FER: variants seen among roughly 807,000 people sequenced by gnomAD.
The protein encoded by FER is tyrosine-protein kinase Fer.
In FER, 63 loss-of-function variants were observed where a neutral mutation model predicts 111.0. The observed-to-expected ratio is 0.57, with a 90% CI of 0.46 to 0.70. FER has a LOEUF of 0.70. Among genes scored for constraint, FER ranks in the 30% least tolerant of loss-of-function variants. FER has a pLI of 0.00. For missense variants in FER, 914 were observed against 954.0 expected, an observed-to-expected ratio of 0.96 and a Z score of 0.55; for synonymous variants, 327 against 313.9, an observed-to-expected ratio of 1.04 and a Z score of -0.44.
In FER at chr5:109,187,734, A is replaced by G. The variant is rs1759039237; in HGVS notation, c.*159A>G. 6 of 935,724 alleles carry G rather than the reference A, an allele frequency of 6.4e-6. No individual in the cohort carries two copies. Among genetic ancestry groups the G allele is most frequent in the Admixed American group, 5.7e-5 (2 of 34,876 alleles). The allele number at this position is 935,724 out of a possible 1,614,324, so 58.0% of individuals were successfully genotyped here. A position where few individuals can be genotyped will look rare whatever the true frequency, so the allele number is the denominator to read the frequency against. ...TTTTAAAAGTACGTTCCACTTGTAA[A>G]AAGTCAAAGGCAAATTTGTTAAAGA... On this transcript the variant is annotated 3_prime_UTR_variant, in exon 20 of 20. Coordinates refer to ENST00000281092, the MANE Select transcript of FER (RefSeq NM_005246.4).
chr5:108,888,104 T>C (rs570762713), intron 9 of FER, among the ~76,000 whole-genome samples: 1 of 152,024 alleles, frequency 6.6e-6, no homozygotes, highest in African/African-American at 2.4e-5. Flanking sequence ...TTTGAGAGAC[T>C]TGCAAAATGT....
At chr5:109,131,220 C>G (rs1752325030) in intron 17 of FER, among the ~76,000 whole-genome samples, 1 of 152,090 alleles carries the variant, frequency 6.6e-6, no homozygotes, top group Admixed American at 6.5e-5. Context: ...ATTGAAAGAC[C>G]TCAACTGTTC....
intron 10 of FER, among the ~76,000 whole-genome samples, chr5:108,910,762 A>G (rs537674183): frequency 2.6e-5 from 4 of 150,996 alleles, no homozygotes; most frequent in African/African-American, 9.7e-5. Flanking sequence ...GAGTTTTTTC[A>G]CTTAGGATGA....
chr5:109,020,791 A>G (rs1477445488), intron 13 of FER, among the ~76,000 whole-genome samples: 1 of 152,048 alleles, frequency 6.6e-6, no homozygotes, highest in Non-Finnish European at 1.5e-5. Flanking sequence ...CACCTTGCCA[A>G]ACTAAAGGCC....
intron 13 of FER, among the ~76,000 whole-genome samples, chr5:109,006,202 G>GTGAAA (rs370564635): frequency 2.3e-3 from 352 of 152,292 alleles, no homozygotes; most frequent in African/African-American, 7.9e-3. Flanking sequence ...TAATGAGATA[G>GTGAAA]TGAAATGAAG....
In FER at chr5:109,038,320, G is replaced by A. The variant is rs546737471; in HGVS notation, c.1713+842G>A. On this transcript the variant is annotated intron_variant, in intron 14 of 19. Transcript: ENST00000281092. Reference sequence around the variant, plus strand: ...AAATAGTTTAAAATCTATATATTTAGGAAAAGCTAACATACATATGAGTGA... The same window carrying A: ...AAATAGTTTAAAATCTATATATTTAAGAAAAGCTAACATACATATGAGTGA... 5.9e-5 allele frequency among the ~76,000 whole-genome samples: 9 copies of A among 151,856 alleles called. No homozygotes were observed. The South Asian group carries it at 1.9e-3, about 32-fold the overall frequency.
chr5:109,149,853 G>T (rs1754627973), intron 17 of FER, among the ~76,000 whole-genome samples: 1 of 152,102 alleles, frequency 6.6e-6, no homozygotes, highest in Non-Finnish European at 1.5e-5. Flanking sequence ...ACCAGTACGG[G>T]TTCCTCGCCT....
chr5:108,940,740 GAGA>G (rs1391537984), intron 10 of FER, among the ~76,000 whole-genome samples: 2 of 152,090 alleles, frequency 1.3e-5, no homozygotes, highest in Non-Finnish European at 2.9e-5. Context: ...CAGTAGATCA[GAGA>G]AGGAGACTTG....
intron 16 of FER, among the ~76,000 whole-genome samples, chr5:109,098,669 A>G (rs1747837438): frequency 6.6e-6 from 1 of 151,636 alleles, no homozygotes; most frequent in South Asian, 2.1e-4. Flanking sequence ...AAATTAGTGG[A>G]ATTTTACTTT....
chr5:108,845,067 T>TATACATATATATATATACACAC (rs1486282738), intron 5 of FER, among the ~76,000 whole-genome samples: 1 of 53,856 alleles, frequency 1.9e-5, no homozygotes, highest in Non-Finnish European at 3.5e-5. Flanking sequence ...TATATATATA[T>TATACATATATATATATACACAC]ACACACACAC....
chr5:108,780,381 G>GTT (rs35241586), intron 2 of FER, among the ~76,000 whole-genome samples: 2 of 143,848 alleles, frequency 1.4e-5, no homozygotes, highest in African/African-American at 2.6e-5. Flanking sequence ...AGGTTAGTGG[G>GTT]TTTTTTTTTT....
In FER at chr5:109,189,933, A is replaced by T. The variant is rs148524115; in HGVS notation, c.*2358A>T. 103 of 152,330 alleles carry T rather than the reference A, an allele frequency of 6.8e-4. No homozygotes were observed. The highest frequency in any genetic ancestry group is 2.4e-3 in the African/African-American group (99 of 41,588). The allele number at this position is 152,330 out of a possible 1,614,324, so 9.4% of individuals were successfully genotyped here. ...AAAAAGCTTTTCAAAACATCGTGAC[A>T]TGTGTAGCATTTAAATTCCATTTTA... On this transcript the variant is annotated 3_prime_UTR_variant, in exon 20 of 20. Coordinates refer to ENST00000281092, the MANE Select transcript of FER (RefSeq NM_005246.4).
intron 13 of FER, among the ~76,000 whole-genome samples, chr5:108,996,213 C>T (rs1026616579): frequency 2.6e-5 from 4 of 152,064 alleles, no homozygotes; most frequent in African/African-American, 7.2e-5. Context: ...CTGTAGGTTG[C>T]GTGTTCACTC....
At chr5:108,890,605 C>T (rs1385946653) in intron 9 of FER, among the ~76,000 whole-genome samples, 3 of 152,032 alleles carry the variant, frequency 2.0e-5, no homozygotes, top group Non-Finnish European at 4.4e-5. Context: ...CTTATAAGGG[C>T]AACAGTCTTT....
Position 109,191,188 on chromosome 5 carries a change from A to G in FER, c.*3613A>G, listed in dbSNP as rs1380855724. On this transcript the variant is annotated 3_prime_UTR_variant, in exon 20 of 20. Transcript: ENST00000281092. ...AACAATCCAAATAAATTATAATGTA[A>G]CAATACAAATATCTGAATCATAAGT... The G allele has an allele frequency of 2.6e-5, 4 of 152,192 alleles. No individual in the cohort carries two copies. Among genetic ancestry groups the G allele is most frequent in the African/African-American group, 9.6e-5 (4 of 41,458 alleles). The allele number at this position is 152,192 out of a possible 1,614,324, so 9.4% of individuals were successfully genotyped here. A position where few individuals can be genotyped will look rare whatever the true frequency, so the allele number is the denominator to read the frequency against.
At chr5:108,854,946 CAAAAAAAAAAAAA>C (rs34850507) in intron 5 of FER, among the ~76,000 whole-genome samples, 1 of 36,644 alleles carries the variant, frequency 2.7e-5, no homozygotes, top group African/African-American at 9.4e-5. Context: ...GACCCTGTCT[CAAAAAAAAAAAAA>C]AAAAAAAAAA....
chr5:108,852,708 AT>A (rs1215290035), intron 5 of FER, among the ~76,000 whole-genome samples: 2 of 152,112 alleles, frequency 1.3e-5, no homozygotes, highest in African/African-American at 4.8e-5. Context: ...TTAGTGATTA[AT>A]ATATATCAGC....
At chr5:109,123,967 T>A (rs1324575925) in intron 17 of FER, among the ~76,000 whole-genome samples, 3 of 152,096 alleles carry the variant, frequency 2.0e-5, no homozygotes, top group Non-Finnish European at 2.9e-5. Flanking sequence ...CAGTGGCTCA[T>A]GCCTGTAATC....
chr5:109,141,144 A>G (rs1582219994), intron 17 of FER, among the ~76,000 whole-genome samples: 1 of 152,190 alleles, frequency 6.6e-6, no homozygotes, highest in Non-Finnish European at 1.5e-5. Flanking sequence ...CCTAATGTTA[A>G]GAACTCTACA....
Sources: gnomAD v4.1 joint callset for allele counts (sites outside exome capture counted in the v4.1 genomes callset) on GRCh38, gnomAD v4.1.1 for gene constraint, MANE v1.5 for transcripts, NCBI Gene and HGNC (gene_info 2026-07-23, HGNC 2026-07-21) for gene names.